KIFAP3: variants seen among roughly 807,000 people sequenced by gnomAD.
KIFAP3 encodes the protein kinesin-associated protein 3.
KIFAP3 carries 68 observed loss-of-function variants against 106.5 expected under a neutral mutation model. The observed-to-expected ratio is 0.64, with a 90% CI of 0.53 to 0.78. The LOEUF is 0.78. Ranked by LOEUF, KIFAP3 falls within the 30% of genes least tolerant of loss-of-function variation. The probability of loss-of-function intolerance (pLI) is 0.00; values close to 1 mark genes in which losing one functional copy is unlikely to be tolerated. For synonymous variants in KIFAP3, 320 were observed against 311.5 expected (o/e 1.03, Z -0.29); for missense variants, 780 against 941.8 (o/e 0.83, Z 2.25).
At chr1:169,991,031 T>G (rs1270146499) in intron 11 of KIFAP3, among the ~76,000 whole-genome samples, 2 of 152,072 alleles carry the variant, frequency 1.3e-5, no homozygotes, top group Non-Finnish European at 2.9e-5. Flanking sequence ...ATAAAAATAT[T>G]AACAAATCAG....
intron 10 of KIFAP3, among the ~76,000 whole-genome samples, chr1:170,014,515 T>A (rs1264186837): frequency 9.2e-5 from 14 of 152,206 alleles, no homozygotes; most frequent in African/African-American, 3.4e-4. Context: ...TTTTTCAATA[T>A]CCATTTCAAA....
chr1:170,017,587 A>C, intron 9 of KIFAP3, among the ~76,000 whole-genome samples: 1 of 151,962 alleles, frequency 6.6e-6, no homozygotes, highest in Non-Finnish European at 1.5e-5. Context: ...AGGCTATAAG[A>C]CAGATCTACA....
intron 5 of KIFAP3, among the ~76,000 whole-genome samples, chr1:170,036,208 A>T (rs541840658): frequency 6.6e-6 from 1 of 152,204 alleles, no homozygotes; most frequent in East Asian, 1.9e-4. Context: ...GTTTCAAATC[A>T]GGTTGGTACA....
rs4519 is a variant in KIFAP3 at position 169,921,433 on chromosome 1, T to A, written c.*243A>T. The A allele has an allele frequency of 0.93, 285,051 of 307,444 alleles. 132,382 individuals carry two copies. The highest frequency in any genetic ancestry group is 0.99 in the East Asian group (17,142 of 17,344). The allele number at this position is 307,444 out of a possible 1,614,324, so 19.0% of individuals were successfully genotyped here. On this transcript the variant is annotated 3_prime_UTR_variant, in exon 20 of 20. Transcript: ENST00000361580. ...AGTAGCTTTTCAGCATTCAGTTTTG[T>A]GGCTCATGGGAAATGTTACTTAGCA...
intron 10 of KIFAP3, among the ~76,000 whole-genome samples, chr1:170,014,230 A>T (rs943560150): frequency 1.1e-4 from 17 of 152,192 alleles, no homozygotes; most frequent in Non-Finnish European, 2.4e-4. Flanking sequence ...CGAGCTCAAA[A>T]GTCTACAATG....
intron 19 of KIFAP3, among the ~76,000 whole-genome samples, chr1:169,946,282 C>T (rs1273637576): frequency 6.6e-6 from 1 of 152,010 alleles, no homozygotes; most frequent in Non-Finnish European, 1.5e-5. Flanking sequence ...AGGTAGTGAA[C>T]TAATTACTTA....
chr1:169,996,871 C>G (rs749427293), intron 10 of KIFAP3, among the ~76,000 whole-genome samples: 37 of 152,126 alleles, frequency 2.4e-4, no homozygotes, highest in Non-Finnish European at 4.7e-4. Flanking sequence ...CTCAGAGGAC[C>G]TGTGCCCAGA....
chr1:169,984,582 C>G lies in KIFAP3; in HGVS notation c.1393G>C (p.Gly465Arg). ...NKRNVQLICE[G>R]NGLKMLMKRA... ...GTTACCTACACTCAAAGGCACTGAC[C>G]TTCACAGATAAGCTGTACATTTCTT... Residue 465 changes from glycine to arginine, a missense_variant and splice_region_variant, in exon 12 of 20, where the codon GGA becomes CGA. Gly to Arg is a moderately radical substitution (Grantham distance 125). Transcript: ENST00000361580. 1 of 1,558,624 alleles carries G rather than the reference C, an allele frequency of 6.4e-7. No individual in the cohort carries two copies. Among genetic ancestry groups the G allele is most frequent in the Non-Finnish European group, 8.8e-7 (1 of 1,134,020 alleles).
upstream of KIFAP3, among the ~76,000 whole-genome samples, chr1:170,075,228 G>A (rs1270574107): frequency 6.6e-6 from 1 of 152,162 alleles, no homozygotes; most frequent in Non-Finnish European, 1.5e-5. Flanking sequence ...CTTCTTCTGA[G>A]GCAGGCAATT....
chr1:170,062,882 T>A (rs1037708491), intron 1 of KIFAP3, among the ~76,000 whole-genome samples: 22 of 150,134 alleles, frequency 1.5e-4, no homozygotes, highest in African/African-American at 5.2e-4. Flanking sequence ...TTTATAGTCT[T>A]TTTTTTTTAA....
intron 11 of KIFAP3, among the ~76,000 whole-genome samples, chr1:169,991,278 G>T (rs557475): frequency 0.94 from 142,363 of 151,932 alleles, 66,780 homozygotes; most frequent in East Asian, 1. Flanking sequence ...GCCTAGGTAT[G>T]AAGGCTCCAG....
intron 10 of KIFAP3, among the ~76,000 whole-genome samples, chr1:170,007,469 T>C (rs1161701096): frequency 1.3e-5 from 2 of 151,920 alleles, no homozygotes; most frequent in African/African-American, 4.8e-5. Flanking sequence ...AGAAATAACA[T>C]GGTAACTAGA....
chr1:169,956,007 T>A (rs904453251), intron 18 of KIFAP3, among the ~76,000 whole-genome samples: 7 of 152,136 alleles, frequency 4.6e-5, no homozygotes, highest in Non-Finnish European at 8.8e-5. Context: ...GTAAACTTTT[T>A]AAAAATGGCT....
Position 169,982,849 on chromosome 1 carries a change from C to A in KIFAP3, c.1525G>T (p.Ala509Ser). 1.3e-6 allele frequency: 2 copies of A among 1,584,306 alleles called. No homozygotes were observed. Among genetic ancestry groups the A allele is most frequent in the South Asian group, 2.3e-5 (2 of 86,832 alleles). Residue 509 changes from alanine (A) to serine (S), a missense_variant, in exon 14 of 20, where the codon GCA becomes TCA. Physicochemically the swap from Ala to Ser is moderately conservative, Grantham distance 99. Transcript: ENST00000361580. ...TCTTCATCATTAGAGATCTGGGCTG[C>A]AAGGTCCCCAACATAATCCTGAATA... ...NLFIDYVGDLAAQISNDEEEE... is the reference protein window; with the variant it reads ...NLFIDYVGDLSAQISNDEEEE...
At chr1:169,983,116 G>A (rs1407430919) in intron 13 of KIFAP3, among the ~76,000 whole-genome samples, 154 bp downstream of exon 13, 1 of 151,898 alleles carries the variant, frequency 6.6e-6, no homozygotes, top group Admixed American at 6.6e-5. Flanking sequence ...AACATAGGTT[G>A]AGATTTCTAG....
chr1:169,993,405 T>C (rs2101937551), intron 10 of KIFAP3, among the ~76,000 whole-genome samples: 1 of 151,810 alleles, frequency 6.6e-6, no homozygotes, highest in South Asian at 2.1e-4. Flanking sequence ...CCACCGCGCC[T>C]GGCCCTAAAC....
upstream of KIFAP3, among the ~76,000 whole-genome samples, chr1:170,077,402 G>A (rs547720675): frequency 3.7e-4 from 56 of 152,256 alleles, no homozygotes; most frequent in Admixed American, 1.7e-3. Context: ...TACTTTTGCA[G>A]GAGAATGAAT....
At chr1:170,039,980 A>G (rs1350977318) in intron 3 of KIFAP3, among the ~76,000 whole-genome samples, 1 of 152,130 alleles carries the variant, frequency 6.6e-6, no homozygotes, top group Middle Eastern at 3.2e-3. Flanking sequence ...GATCTGGATC[A>G]TAAGTCTAAG....
At chr1:169,962,050 GTA>G (rs1665367127) in intron 17 of KIFAP3, among the ~76,000 whole-genome samples, 1 of 152,140 alleles carries the variant, frequency 6.6e-6, no homozygotes, top group South Asian at 2.1e-4. Flanking sequence ...ATATTTTGCT[GTA>G]TCTTTTAGTC....
Sources: gnomAD v4.1 joint callset for allele counts (sites outside exome capture counted in the v4.1 genomes callset) on GRCh38, gnomAD v4.1.1 for gene constraint, MANE v1.5 for transcripts, NCBI Gene and HGNC (gene_info 2026-07-23, HGNC 2026-07-21) for gene names.